SMC3: variants seen among roughly 807,000 people sequenced by gnomAD.
The protein encoded by SMC3 is structural maintenance of chromosomes 3.
In SMC3, 20 loss-of-function variants were observed where a neutral mutation model predicts 171.8. The observed-to-expected ratio is 0.12, with a 90% CI of 0.08 to 0.17. The LOEUF (loss-of-function observed/expected upper bound fraction) is 0.17. Ranked by LOEUF, SMC3 falls within the 10% of genes least tolerant of loss-of-function variation. The pLI, the probability that SMC3 is intolerant of heterozygous loss-of-function variation, is 1.00. For missense variants in SMC3, 543 were observed against 1,420.4 expected, an observed-to-expected ratio of 0.38 and a Z score of 9.93; for synonymous variants, 464 against 451.1, an observed-to-expected ratio of 1.03 and a Z score of -0.36.
chr10:110,592,206 A>C (rs1861216978), intron 17 of SMC3, among the ~76,000 whole-genome samples: 1 of 151,926 alleles, frequency 6.6e-6, no homozygotes, highest in Admixed American at 6.6e-5. Context: ...CAGAGGTTGC[A>C]GTGAGCCAAG....
intron 13 of SMC3, among the ~76,000 whole-genome samples, 166 bp downstream of exon 13, chr10:110,584,562 C>G (rs1007018111): frequency 6.6e-6 from 1 of 151,986 alleles, no homozygotes. Context: ...ACATATAGTT[C>G]TTTTTTAAAG....
At chr10:110,581,072 T>C (rs1331590215) in intron 8 of SMC3, 51 bp downstream of exon 8, 1 of 948,468 alleles carries the variant, frequency 1.1e-6, no homozygotes. Context: ...TTACTGTTTT[T>C]GTGACAGAGT....
intron 15 of SMC3, 80 bp from the exon 16 acceptor site, chr10:110,590,332 A>G (rs966651891): frequency 3.4e-6 from 4 of 1,174,686 alleles, no homozygotes; most frequent in South Asian, 2.5e-5. Context: ...TTTAAAATGT[A>G]TGGTGTTGTG....
intron 27 of SMC3, 36 bp downstream of exon 27, chr10:110,603,038 C>CA (rs1310949821): frequency 1.2e-6 from 2 of 1,605,530 alleles, no homozygotes; most frequent in Non-Finnish European, 1.7e-6. Context: ...TTGTATTTAA[C>CA]AATAAGCTGG....
At chr10:110,575,262 T>C in intron 3 of SMC3, 74 bp from the exon 4 acceptor site, 1 of 993,596 alleles carries the variant, frequency 1.0e-6, no homozygotes. Flanking sequence ...TATGTTCTAT[T>C]GAGGTGTGGG....
At position 110,604,506 on chromosome 10, in the gene SMC3, C is replaced by A; in HGVS notation, c.*204C>A. On this transcript the variant is annotated 3_prime_UTR_variant, in exon 29 of 29. Transcript: ENST00000361804. ...TAGTTTAAGAATTTAATTTCCTGTA[C>A]AACTTTTTGTAAAATGTTCTGCTCC... is the stretch of plus-strand genomic sequence containing the variant. 1 of 509,916 alleles carries A rather than the reference C, an allele frequency of 2.0e-6. No homozygotes were observed. Among genetic ancestry groups the A allele is most frequent in the Non-Finnish European group, 3.5e-6 (1 of 287,140 alleles). The allele number at this position is 509,916 out of a possible 1,614,324, so 31.6% of individuals were successfully genotyped here.
chr10:110,589,598 T>C lies in SMC3; in HGVS notation c.1306-7T>C, dbSNP rs772607117. On this transcript the variant is annotated splice_region_variant and splice_polypyrimidine_tract_variant and intron_variant, in intron 13 of 28. Coordinates refer to ENST00000361804, the MANE Select transcript of SMC3 (RefSeq NM_005445.4). The stretch of plus-strand genomic sequence containing the variant: ...ATTGAATTTTAAATTTATTTTTATT[T>C]CCATAGAAACTGGACCAGGATCTTA... 10 of 1,560,652 alleles carry C rather than the reference T, an allele frequency of 6.4e-6. No individual in the cohort carries two copies. The East Asian group carries it at 2.2e-4, about 35-fold the overall frequency.
intron 13 of SMC3, among the ~76,000 whole-genome samples, chr10:110,585,624 TC>T (rs1861101146): frequency 6.6e-6 from 1 of 151,762 alleles, no homozygotes; most frequent in Non-Finnish European, 1.5e-5. Flanking sequence ...TTTTTGGTAT[TC>T]CAGCATCTTA....
In SMC3 at chr10:110,568,804, C is replaced by G. The variant is rs146094418; in HGVS notation, c.16-134C>G. ...TTAGCAGATTTTTAATCACCACTTT[C>G]CAAAATGAATTTTTCTTATATGAAA... On this transcript the variant is annotated intron_variant, in intron 1 of 28. Transcript: ENST00000361804. 21 of 638,056 alleles carry G rather than the reference C, an allele frequency of 3.3e-5. No individual in the cohort carries two copies. The African/African-American group carries it at 3.7e-4, about 11-fold the overall frequency. 39.5% of individuals were successfully genotyped at this position (638,056 alleles called of 1,614,324 possible).
intron 3 of SMC3, among the ~76,000 whole-genome samples, chr10:110,574,622 C>T (rs1292671020): frequency 4.6e-5 from 7 of 152,194 alleles, no homozygotes; most frequent in Non-Finnish European, 1.0e-4. Flanking sequence ...CTCCTCACCT[C>T]GACCTGTGTC....
intron 9 of SMC3, 89 bp downstream of exon 9, chr10:110,582,187 A>AT (rs1204730880): frequency 8.6e-6 from 10 of 1,164,778 alleles, no homozygotes; most frequent in Non-Finnish European, 1.3e-5. Flanking sequence ...CTTTTCAGTG[A>AT]TTTTAAATAG....
At chr10:110,576,779 T>C (rs961777141) in intron 4 of SMC3, among the ~76,000 whole-genome samples, 1 of 152,220 alleles carries the variant, frequency 6.6e-6, no homozygotes, top group Non-Finnish European at 1.5e-5. Flanking sequence ...TCATTGTATT[T>C]ACTACATAGT....
intron 3 of SMC3, among the ~76,000 whole-genome samples, chr10:110,574,720 T>C (rs1400398871): frequency 6.6e-6 from 1 of 152,146 alleles, no homozygotes; most frequent in Non-Finnish European, 1.5e-5. Context: ...AGAGGTCTCT[T>C]GGGTGGACTG....
intron 19 of SMC3, 35 bp downstream of exon 19, chr10:110,596,585 G>T (rs199999599): frequency 9.0e-5 from 144 of 1,595,696 alleles, no homozygotes; most frequent in Non-Finnish European, 1.1e-4. Flanking sequence ...GATAGATATT[G>T]TGGGGGAAGA....
intron 25 of SMC3, 77 bp downstream of exon 25, chr10:110,602,255 A>G: frequency 7.1e-7 from 1 of 1,399,340 alleles, no homozygotes; most frequent in Non-Finnish European, 1.0e-6. Flanking sequence ...TAAAGATTTT[A>G]AAGCTGTTTT....
At chr10:110,571,086 A>G (rs544133647) in intron 2 of SMC3, among the ~76,000 whole-genome samples, 34 of 152,256 alleles carry the variant, frequency 2.2e-4, no homozygotes, top group Non-Finnish European at 2.8e-4. Context: ...TACATGTTAT[A>G]GAACATTATG....
chr10:110,569,052 A>G (rs1171162364), intron 2 of SMC3, 39 bp downstream of exon 2: 2 of 1,225,678 alleles, frequency 1.6e-6, no homozygotes, highest in African/African-American at 1.5e-5. Flanking sequence ...TTTATAGTCT[A>G]TACAGATAAT....
In SMC3 at chr10:110,590,976, T is replaced by C; in HGVS notation, c.1671-15T>C. On this transcript the variant is annotated splice_polypyrimidine_tract_variant and intron_variant, in intron 16 of 28. Transcript: ENST00000361804. ...GAGTACCAATAAAGATTTGTCTTAC[T>C]CTGTTTATATTTAGGTTATTTTATC... 1 of 1,611,604 alleles carries C rather than the reference T, an allele frequency of 6.2e-7. No homozygotes were observed. Among genetic ancestry groups the C allele is most frequent in the Non-Finnish European group, 8.5e-7 (1 of 1,177,944 alleles).
chr10:110,603,050 A>AAT, intron 27 of SMC3, 48 bp downstream of exon 27: 1 of 1,593,808 alleles, frequency 6.3e-7, no homozygotes, highest in South Asian at 1.1e-5. Flanking sequence ...ATAAGCTGGT[A>AAT]ATATTTGCTG....
Sources: gnomAD v4.1 joint callset for allele counts (sites outside exome capture counted in the v4.1 genomes callset) on GRCh38, gnomAD v4.1.1 for gene constraint, MANE v1.5 for transcripts, NCBI Gene and HGNC (gene_info 2026-07-23, HGNC 2026-07-21) for gene names.